Variants in ADIPOR2 observed in about 807,000 individuals in gnomAD.
ADIPOR2 encodes adiponectin receptor protein 2.
Under a neutral mutation model 40.9 loss-of-function variants are expected in ADIPOR2, and 18 were observed. That is an observed-to-expected ratio of 0.44 (90% CI 0.30 to 0.65). ADIPOR2 has a LOEUF of 0.65. Ranked by LOEUF, ADIPOR2 falls within the 30% of genes least tolerant of loss-of-function variation. The pLI is 0.09. For missense variants in ADIPOR2, 283 were observed against 479.2 expected (o/e 0.59, Z 3.82); for synonymous variants, 165 against 166.4 (o/e 0.99, Z 0.06).
At chr12:1,782,132 C>CAA (rs1862731206) in intron 6 of ADIPOR2, among the ~76,000 whole-genome samples, 1 of 152,196 alleles carries the variant, frequency 6.6e-6, no homozygotes, top group Admixed American at 6.5e-5. Context: ...GTGAATAGTG[C>CAA]AAAAGTCTAG....
chr12:1,757,891 A>T, intron 2 of ADIPOR2: 2 of 817,094 alleles, frequency 2.4e-6, no homozygotes, highest in Non-Finnish European at 4.4e-6. Flanking sequence ...ATGGGGAGAC[A>T]CTCTCTCAAC....
chr12:1,731,040 C>T (rs894097139), intron 1 of ADIPOR2: 2 of 152,124 alleles, frequency 1.3e-5, no homozygotes, highest in Non-Finnish European at 2.9e-5. Flanking sequence ...ATAAAACATA[C>T]ATTTTAATAT....
At chr12:1,743,240 A>AAAAAAAC (rs1555169150) in intron 1 of ADIPOR2, among the ~76,000 whole-genome samples, 12 of 132,956 alleles carry the variant, frequency 9.0e-5, no homozygotes, top group Admixed American at 1.5e-4. Context: ...AAAAAAAAAA[A>AAAAAAAC]AAAAAACAAA....
At chr12:1,706,790 G>A (rs993485385) in intron 1 of ADIPOR2, among the ~76,000 whole-genome samples, 4 of 152,082 alleles carry the variant, frequency 2.6e-5, no homozygotes, top group Admixed American at 2.6e-4. Context: ...TCTGGTTCAA[G>A]GAAACCACTG....
chr12:1,745,799 T>A (rs918270519), intron 1 of ADIPOR2, among the ~76,000 whole-genome samples: 1 of 152,206 alleles, frequency 6.6e-6, no homozygotes, highest in Non-Finnish European at 1.5e-5. Context: ...ACCAATGTCT[T>A]ATCCTTCTTA....
chr12:1,700,241 A>G (rs1308136130), intron 1 of ADIPOR2, among the ~76,000 whole-genome samples: 1 of 152,176 alleles, frequency 6.6e-6, no homozygotes, highest in Non-Finnish European at 1.5e-5. Flanking sequence ...TTTCTTTTGT[A>G]TGTTTGTTGT....
intron 1 of ADIPOR2, among the ~76,000 whole-genome samples, chr12:1,748,491 G>A (rs772050912): frequency 8.2e-4 from 124 of 152,060 alleles, no homozygotes; most frequent in Admixed American, 1.4e-3. Flanking sequence ...CTTGTGATCT[G>A]CCCACCTCGG....
intron 1 of ADIPOR2, among the ~76,000 whole-genome samples, chr12:1,710,789 G>C (rs1277982970): frequency 6.6e-6 from 1 of 152,092 alleles, no homozygotes; most frequent in Non-Finnish European, 1.5e-5. Flanking sequence ...GGTTCAGTGG[G>C]TCGGTCCAGG....
intron 1 of ADIPOR2, among the ~76,000 whole-genome samples, chr12:1,704,551 T>C (rs116947562): frequency 3.3e-4 from 50 of 152,360 alleles, no homozygotes; most frequent in Non-Finnish European, 5.4e-4. Context: ...CATGGTTGAT[T>C]GATTGATATC....
In ADIPOR2 at chr12:1,693,757, T is replaced by C. The variant is rs769087052; in HGVS notation, c.-87+2566T>C. On this transcript the variant is annotated intron_variant, in intron 1 of 7. Transcript: ENST00000357103. ...TTTCACCATGTTGGCCAGGCTGGTC[T>C]CGAACTCCTCATGTGATCCACCTGC... is the stretch of plus-strand genomic sequence containing the variant. Among the ~76,000 whole-genome samples the C allele has an allele frequency of 2.6e-5, 4 of 152,220 alleles. 1 individual carries two copies. Among genetic ancestry groups the C allele is most frequent in the Non-Finnish European group, 5.9e-5 (4 of 68,012 alleles).
Position 1,728,580 on chromosome 12 carries a change from C to T in ADIPOR2, c.-86-25678C>T, listed in dbSNP as rs1015570379. Among the ~76,000 whole-genome samples the T allele has an allele frequency of 8.9e-4, 134 of 150,958 alleles. 1 individual carries two copies. The highest frequency in any genetic ancestry group is 3.1e-3 in the African/African-American group (129 of 41,204). On this transcript the variant is annotated intron_variant, in intron 1 of 7. Coordinates refer to ENST00000357103, the MANE Select transcript of ADIPOR2 (RefSeq NM_024551.3). ...TCTACTAAAGATACAAAAAATTAGC[C>T]GGGCGTGGTGGTGGGCGCCTGTAAT...
At chr12:1,715,385 G>A (rs968518926) in intron 1 of ADIPOR2, among the ~76,000 whole-genome samples, 1 of 152,210 alleles carries the variant, frequency 6.6e-6, no homozygotes, top group East Asian at 1.9e-4. Context: ...CTCTTTTTCA[G>A]GGTTTGCAGG....
intron 1 of ADIPOR2, among the ~76,000 whole-genome samples, chr12:1,719,751 T>G (rs2154442076): frequency 6.6e-6 from 1 of 151,864 alleles, no homozygotes; most frequent in South Asian, 2.1e-4. Context: ...CTCAGCTCAC[T>G]GCAACCTCCG....
At chr12:1,769,465 G>C (rs1406846723) in intron 2 of ADIPOR2, among the ~76,000 whole-genome samples, 1 of 152,186 alleles carries the variant, frequency 6.6e-6, no homozygotes, top group East Asian at 1.9e-4. Flanking sequence ...ACATATTTGT[G>C]AATATTCCTT....
chr12:1,757,891 A>G (rs1240623618), intron 2 of ADIPOR2: 3 of 816,978 alleles, frequency 3.7e-6, no homozygotes, highest in Non-Finnish European at 6.6e-6. Context: ...ATGGGGAGAC[A>G]CTCTCTCAAC....
At chr12:1,745,695 C>T (rs981717260) in intron 1 of ADIPOR2, among the ~76,000 whole-genome samples, 1 of 152,178 alleles carries the variant, frequency 6.6e-6, no homozygotes, top group South Asian at 2.1e-4. Flanking sequence ...AGTGATTTTA[C>T]CATTCTTCCA....
chr12:1,741,816 G>A (rs1405513267), intron 1 of ADIPOR2, among the ~76,000 whole-genome samples: 1 of 152,118 alleles, frequency 6.6e-6, no homozygotes, highest in Non-Finnish European at 1.5e-5. Context: ...TTTCTTTAGT[G>A]CTAGAGTTCT....
intron 4 of ADIPOR2, 29 bp downstream of exon 4, chr12:1,778,054 G>T: frequency 1.9e-6 from 3 of 1,581,198 alleles, no homozygotes; most frequent in Non-Finnish European, 1.7e-6. Context: ...GTAATGAGCT[G>T]GTGATTCACT....
chr12:1,707,574 T>G (rs1489290723), intron 1 of ADIPOR2, among the ~76,000 whole-genome samples: 1 of 152,156 alleles, frequency 6.6e-6, no homozygotes, highest in Admixed American at 6.5e-5. Context: ...AAGGAATCTT[T>G]CCACCCCAGC....
Sources: gnomAD v4.1 joint callset for allele counts (sites outside exome capture counted in the v4.1 genomes callset) on GRCh38, gnomAD v4.1.1 for gene constraint, MANE v1.5 for transcripts, NCBI Gene and HGNC (gene_info 2026-07-23, HGNC 2026-07-21) for gene names.